The following SMPDL3A variants were observed in gnomAD, a reference collection of about 807,000 sequenced individuals.
SMPDL3A encodes the protein cyclic GMP-AMP phosphodiesterase SMPDL3A.
Under a neutral mutation model 38.5 loss-of-function variants are expected in SMPDL3A, and 39 were observed. The observed-to-expected ratio is 1.01, with a 90% CI of 0.78 to 1.32. The LOEUF (loss-of-function observed/expected upper bound fraction) is 1.32, where lower values mean the gene tolerates loss of function less well. SMPDL3A is among the 40% of genes most tolerant of loss of function. SMPDL3A has a pLI of 0.00. For missense variants in SMPDL3A, 502 were observed against 536.2 expected, an observed-to-expected ratio of 0.94 and a Z score of 0.63; for synonymous variants, 180 against 194.3, an observed-to-expected ratio of 0.93 and a Z score of 0.61.
At chr6:122,806,123 A>G (rs1781606383) in intron 6 of SMPDL3A, 110 bp from the exon 7 acceptor site, 1 of 894,304 alleles carries the variant, frequency 1.1e-6, no homozygotes, top group Non-Finnish European at 1.6e-6. Flanking sequence ...ATTAGTGATC[A>G]CATATCACTT....
At chr6:122,805,617 T>C (rs1781585504) in intron 6 of SMPDL3A, among the ~76,000 whole-genome samples, 1 of 152,198 alleles carries the variant, frequency 6.6e-6, no homozygotes, top group Non-Finnish European at 1.5e-5. Flanking sequence ...TCTATCAAGA[T>C]TTTTCAGTTT....
intron 7 of SMPDL3A, among the ~76,000 whole-genome samples, chr6:122,808,073 A>C (rs754565367): frequency 3.9e-5 from 6 of 152,144 alleles, no homozygotes; most frequent in Non-Finnish European, 5.9e-5. Context: ...TAAAAATATA[A>C]AAATAATTTC....
chr6:122,806,279 GA>G lies in SMPDL3A; in HGVS notation c.968del (p.Lys323ArgfsTer4). 1 of 1,613,406 alleles carries G rather than the reference GA, an allele frequency of 6.2e-7. No homozygotes were observed. Among genetic ancestry groups the G allele is most frequent in the Non-Finnish European group, 8.5e-7 (1 of 1,179,512 alleles). On this transcript the variant is annotated frameshift_variant, in exon 7 of 8. Coordinates refer to ENST00000368440, the MANE Select transcript of SMPDL3A (RefSeq NM_006714.5). LOFTEE classifies it high-confidence loss of function. ...LFVAPAVTPV[K>X]SVLEKQTNNP... The stretch of plus-strand genomic sequence containing the variant: ...TTGTGGCTCCTGCTGTTACACCAGT[GA>G]AGAGTGTTTTAGAAAAACAGACCAA...
intron 4 of SMPDL3A, 59 bp from the exon 5 acceptor site, chr6:122,803,605 C>G: frequency 7.4e-7 from 1 of 1,359,796 alleles, no homozygotes; most frequent in East Asian, 2.3e-5. Context: ...AATTTGCTTT[C>G]ACAATGTTTG....
chr6:122,803,262 A>C (rs1174057148), intron 4 of SMPDL3A, among the ~76,000 whole-genome samples: 1 of 152,222 alleles, frequency 6.6e-6, no homozygotes, highest in East Asian at 1.9e-4. Flanking sequence ...AGCAAGATCC[A>C]TATGTGTTAC....
In SMPDL3A at chr6:122,789,420, T is replaced by C; in HGVS notation, c.74T>C (p.Val25Ala). The change falls in exon 1 of 8, where the codon GTG (valine) becomes GCG (alanine). Residue 25 changes from valine (V) to alanine (A), a missense_variant. Coordinates refer to ENST00000368440, the MANE Select transcript of SMPDL3A (RefSeq NM_006714.5). ...WHCRSGLGLP[V>A]APAGGRNPPP... is the part of the protein sequence containing the mutation. ...TGCCGCTCCGGCCTCGGGCTGCCCG[T>C]GGCGCCCGCAGGCGGCAGGAATCCT... 6.5e-7 allele frequency: 1 copy of C among 1,549,394 alleles called. No individual in the cohort carries two copies. The highest frequency in any genetic ancestry group is 8.7e-7 in the Non-Finnish European group (1 of 1,146,338).
Position 122,806,312 on chromosome 6 carries a change from T to C in SMPDL3A, c.999T>C (p.Pro333=). The change falls in exon 7 of 8, where the codon CCT becomes CCC. Residue 333 remains proline, a synonymous_variant. Coordinates refer to ENST00000368440, the MANE Select transcript of SMPDL3A (RefSeq NM_006714.5). ...KSVLEKQTNN[P]GIRLFQYDPR... ...TTTTAGAAAAACAGACCAACAATCC[T>C]GGTATCAGACTGTTTCAGTATGATC... The C allele has an allele frequency of 6.2e-7, 1 of 1,613,484 alleles. No homozygotes were observed. The highest frequency in any genetic ancestry group is 8.5e-7 in the Non-Finnish European group (1 of 1,179,562).
At position 122,809,359 on chromosome 6, in the gene SMPDL3A, T is replaced by A. The variant is rs1781774976; in HGVS notation, c.1313T>A (p.Ile438Asn). The A allele has an allele frequency of 6.2e-7, 1 of 1,613,996 alleles. No homozygotes were observed. ...TGTGCAATTATGAATCTTGATAATA[T>A]TTCCTATGCAGATTGCCTCAAACAG... Reference protein sequence around the residue: ...QICAIMNLDNISYADCLKQLY... With the variant: ...QICAIMNLDNNSYADCLKQLY... The change falls in exon 8 of 8, where the codon ATT becomes AAT. Residue 438 changes from isoleucine to asparagine, a missense_variant. By Grantham distance (149) the Ile-to-Asn change is moderately radical (BLOSUM62 -3). Coordinates refer to ENST00000368440, the MANE Select transcript of SMPDL3A (RefSeq NM_006714.5).
At position 122,795,709 on chromosome 6, in the gene SMPDL3A, G is replaced by T; in HGVS notation, c.145G>T (p.Asp49Tyr). 26 of 1,614,142 alleles carry T rather than the reference G, an allele frequency of 1.6e-5. No individual in the cohort carries two copies. The highest frequency in any genetic ancestry group is 2.1e-5 in the Non-Finnish European group (25 of 1,180,014). The change falls in exon 2 of 8, where the codon GAC becomes TAC. Residue 49 changes from aspartate (D) to tyrosine (Y), a missense_variant. Asp to Tyr is a radical substitution (Grantham distance 160, BLOSUM62 -3). Transcript: ENST00000368440. ...TTGGCATGTGACTGACTTACACTTAGACCCTACTTACCACATCACAGATGA... is the reference window on the plus strand; with the variant it reads ...TTGGCATGTGACTGACTTACACTTATACCCTACTTACCACATCACAGATGA... ...QFWHVTDLHL[D>Y]PTYHITDDHT...
At chr6:122,792,021 A>G (rs565630000) in intron 1 of SMPDL3A, among the ~76,000 whole-genome samples, 7 of 152,314 alleles carry the variant, frequency 4.6e-5, no homozygotes, top group Non-Finnish European at 7.3e-5. Flanking sequence ...TAGTCTGCAG[A>G]ACAGGAAAAC....
chr6:122,800,440 C>T (rs79409897), intron 3 of SMPDL3A, among the ~76,000 whole-genome samples: 1,649 of 152,300 alleles, frequency 0.011, 28 homozygotes, highest in African/African-American at 0.038. Flanking sequence ...CCCGTTCCCT[C>T]GGCATGCTGC....
At chr6:122,808,605 CCCTCCCTTCCTTCCTTCCTT>C (rs1257229890) in intron 7 of SMPDL3A, among the ~76,000 whole-genome samples, 61 of 64,802 alleles carry the variant, frequency 9.4e-4, no homozygotes, top group African/African-American at 6.4e-4. Context: ...CTCCCTCCCT[CCCTCCCTTCCTTCCTTCCTT>C]CCTTCCTTCC....
chr6:122,791,186 C>T (rs1781064728), intron 1 of SMPDL3A, among the ~76,000 whole-genome samples: 1 of 152,100 alleles, frequency 6.6e-6, no homozygotes, highest in Non-Finnish European at 1.5e-5. Flanking sequence ...GTTTAAATTC[C>T]CAGTCTTAGT....
At position 122,795,676 on chromosome 6, in the gene SMPDL3A, G is replaced by A. The variant is rs1393597040; in HGVS notation, c.113-1G>A. 20 of 1,610,972 alleles carry A rather than the reference G, an allele frequency of 1.2e-5. No homozygotes were observed. In the Admixed American group the frequency reaches 3.3e-4, roughly 27 times the overall value. ...ATCTGCATTTTTTGTGTAATCAACA[G>A]GACAGTTTTGGCATGTGACTGACTT... is the stretch of plus-strand genomic sequence containing the variant. On this transcript the variant is annotated splice_acceptor_variant, in intron 1 of 7. Coordinates refer to ENST00000368440, the MANE Select transcript of SMPDL3A (RefSeq NM_006714.5). LOFTEE classifies it high-confidence loss of function.
At position 122,801,337 on chromosome 6, in the gene SMPDL3A, G is replaced by A; in HGVS notation, c.499G>A (p.Val167Met). The A allele has an allele frequency of 6.2e-7, 1 of 1,613,460 alleles. No individual in the cohort carries two copies. ...TCAACTGCCTGTAGTCACCAGTAAA[G>A]TGTACAATGCAGTAGCAAACCTCTG... ...QDQLPVVTSK[V>M]YNAVANLWKP... Residue 167 changes from valine to methionine, a missense_variant, in exon 4 of 8, where the codon GTG (valine) becomes ATG (methionine). Transcript: ENST00000368440.
In SMPDL3A at chr6:122,806,222, G is replaced by A. The variant is rs374099121; in HGVS notation, c.920-11G>A. 2.1e-5 allele frequency: 34 copies of A among 1,607,184 alleles called. No homozygotes were observed. The African/African-American group carries it at 3.3e-4, about 16-fold the overall frequency. On this transcript the variant is annotated splice_polypyrimidine_tract_variant and intron_variant, in intron 6 of 7. Coordinates refer to ENST00000368440, the MANE Select transcript of SMPDL3A (RefSeq NM_006714.5). Reference sequence around the variant, plus strand: ...TAAAAATGTATGTTTATGTGCATACGTTTTGTTCAGGAAGTCCAGTAAATT... The same window carrying A: ...TAAAAATGTATGTTTATGTGCATACATTTTGTTCAGGAAGTCCAGTAAATT...
intron 1 of SMPDL3A, 129 bp downstream of exon 1, chr6:122,789,587 C>G (rs1780996261): frequency 1.2e-5 from 11 of 907,176 alleles, no homozygotes; most frequent in South Asian, 3.1e-5. Context: ...GGGCCCCTGA[C>G]GCGTCCGGCG....
intron 1 of SMPDL3A, among the ~76,000 whole-genome samples, chr6:122,791,051 T>G (rs1206944053): frequency 6.6e-6 from 1 of 152,230 alleles, no homozygotes; most frequent in Non-Finnish European, 1.5e-5. Flanking sequence ...TCTCCTTGTT[T>G]GTAATATTTT....
Position 122,789,350 on chromosome 6 carries a change from G to A in SMPDL3A, c.4G>A (p.Ala2Thr), listed in dbSNP as rs1236925729. Residue 2 changes from alanine (A) to threonine (T), a missense_variant, in exon 1 of 8, where the codon GCG (alanine) becomes ACG (threonine). Physicochemically the swap from Ala to Thr is moderately conservative, Grantham distance 58. Transcript: ENST00000368440. ...CAGGTCAGCCCCGCGGCCCTCCATG[G>A]CGCTGGTGCGCGCACTCGTCTGCTG... M[A>T]LVRALVCCLL... is the part of the protein sequence containing the mutation. 6.5e-7 allele frequency: 1 copy of A among 1,545,192 alleles called. No homozygotes were observed. The highest frequency in any genetic ancestry group is 2.5e-5 in the East Asian group (1 of 40,792).
Sources: gnomAD v4.1 joint callset for allele counts (sites outside exome capture counted in the v4.1 genomes callset) on GRCh38, gnomAD v4.1.1 for gene constraint, MANE v1.5 for transcripts, NCBI Gene and HGNC (gene_info 2026-07-23, HGNC 2026-07-21) for gene names.